Variants in CREB3L2 observed in about 807,000 individuals in gnomAD.
The protein encoded by CREB3L2 is cyclic AMP-responsive element-binding protein 3-like protein 2.
Under a neutral mutation model 57.2 loss-of-function variants are expected in CREB3L2, and 23 were observed. That is an observed-to-expected ratio of 0.40 (90% confidence interval 0.29 to 0.57). The LOEUF (loss-of-function observed/expected upper bound fraction) is 0.57. CREB3L2 is among the 20% of genes least tolerant of loss of function. The probability of loss-of-function intolerance (pLI) is 0.42; values close to 1 mark genes in which losing one functional copy is unlikely to be tolerated. For missense variants in CREB3L2, 628 were observed against 634.7 expected, an observed-to-expected ratio of 0.99 and a Z score of 0.11; for synonymous variants, 268 against 265.1, an observed-to-expected ratio of 1.01 and a Z score of -0.11.
chr7:137,944,232 T>C (rs966955279), intron 1 of CREB3L2, among the ~76,000 whole-genome samples: 1 of 152,090 alleles, frequency 6.6e-6, no homozygotes, highest in Admixed American at 6.5e-5. Context: ...GAAAGAAAAA[T>C]AGCAATTCAC....
At chr7:137,914,256 T>C (rs1800078258) in intron 3 of CREB3L2, among the ~76,000 whole-genome samples, 1 of 152,096 alleles carries the variant, frequency 6.6e-6, no homozygotes, top group Non-Finnish European at 1.5e-5. Context: ...ACGAAAATCC[T>C]GGTAGGGAAA....
At chr7:137,934,005 G>C (rs1439854334) in intron 1 of CREB3L2, 1 of 152,242 alleles carries the variant, frequency 6.6e-6, no homozygotes, top group Non-Finnish European at 1.5e-5. Flanking sequence ...ACGCTTTAGC[G>C]AAGTACTGCT....
chr7:137,928,078 C>T (rs981807092), intron 2 of CREB3L2, 72 bp downstream of exon 2: 3 of 1,159,294 alleles, frequency 2.6e-6, no homozygotes, highest in Non-Finnish European at 1.3e-6. Context: ...TAATATAATA[C>T]ACACTCCACA....
At chr7:137,918,110 T>C (rs1351629774) in intron 2 of CREB3L2, among the ~76,000 whole-genome samples, 2 of 152,116 alleles carry the variant, frequency 1.3e-5, no homozygotes, top group African/African-American at 4.8e-5. Context: ...GAACACCCGC[T>C]TAGGACAGTT....
chr7:137,945,691 TAAG>T (rs898461250), intron 1 of CREB3L2, among the ~76,000 whole-genome samples: 4 of 152,188 alleles, frequency 2.6e-5, no homozygotes, highest in African/African-American at 9.7e-5. Flanking sequence ...CAATCTGGAC[TAAG>T]AAGAACTGGG....
intron 1 of CREB3L2, among the ~76,000 whole-genome samples, chr7:137,991,523 T>C (rs558823091): frequency 1.2e-4 from 19 of 152,164 alleles, no homozygotes; most frequent in Admixed American, 4.6e-4. Flanking sequence ...TGTAATACCA[T>C]TGGGATTTTG....
rs1035576371 is a variant in CREB3L2 at position 137,879,210 on chromosome 7, T to C, written c.*1266A>G. 1 of 534,020 alleles carries C rather than the reference T, an allele frequency of 1.9e-6. No homozygotes were observed. Among genetic ancestry groups the C allele is most frequent in the African/African-American group, 1.9e-5 (1 of 53,590 alleles). 33.1% of individuals were successfully genotyped at this position (534,020 alleles called of 1,614,324 possible). ...AACTAAAAGTAGGTTGGGGATTAGG[T>C]TGTATCTCTTTGGGCGAGCTGCAAA... On this transcript the variant is annotated 3_prime_UTR_variant, in exon 12 of 12. Coordinates refer to ENST00000330387, the MANE Select transcript of CREB3L2 (RefSeq NM_194071.4).
intron 8 of CREB3L2, among the ~76,000 whole-genome samples, chr7:137,898,788 T>C (rs1799677898): frequency 6.6e-6 from 1 of 152,110 alleles, no homozygotes; most frequent in South Asian, 2.1e-4. Flanking sequence ...ACTCGGCCTT[T>C]ACTAAATAAC....
intron 8 of CREB3L2, among the ~76,000 whole-genome samples, chr7:137,898,347 G>A (rs1799669875): frequency 6.6e-6 from 1 of 152,212 alleles, no homozygotes; most frequent in African/African-American, 2.4e-5. Context: ...GAAAAACAGT[G>A]TAGAGGTTCC....
chr7:137,936,333 G>A (rs550276824), intron 1 of CREB3L2, among the ~76,000 whole-genome samples: 1 of 152,304 alleles, frequency 6.6e-6, no homozygotes, highest in East Asian at 1.9e-4. Context: ...GCTAACAGAA[G>A]AGTGCTGCAC....
At chr7:137,922,437 C>CAT (rs750075783) in intron 2 of CREB3L2, among the ~76,000 whole-genome samples, 6 of 98,928 alleles carry the variant, frequency 6.1e-5, no homozygotes, top group Admixed American at 1.9e-4. Flanking sequence ...TATATATATA[C>CAT]GTATATATAT....
intron 1 of CREB3L2, among the ~76,000 whole-genome samples, chr7:137,992,474 T>C (rs1801916759): frequency 6.6e-6 from 1 of 152,192 alleles, no homozygotes; most frequent in Admixed American, 6.5e-5. Flanking sequence ...TCCCAGCTCT[T>C]CTTTGAAACA....
At chr7:137,927,278 G>GAAAGGAGGGAGGAAGGA (rs35701640) in intron 2 of CREB3L2, among the ~76,000 whole-genome samples, 1 of 136,530 alleles carries the variant, frequency 7.3e-6, no homozygotes, top group African/African-American at 3.1e-5. Flanking sequence ...GAAAGGAAAG[G>GAAAGGAGGGAGGAAGGA]AGGAAGGAAG....
intron 1 of CREB3L2, among the ~76,000 whole-genome samples, chr7:137,936,932 T>G (rs1016176244): frequency 5.3e-5 from 8 of 152,156 alleles, no homozygotes; most frequent in African/African-American, 1.7e-4. Flanking sequence ...CCGGGTTTGT[T>G]TAGATTTGCC....
rs140287420 is a variant in CREB3L2, at chr7:137,882,562, G to A, written c.1337C>T (p.Ser446Leu). 5.0e-5 allele frequency: 81 copies of A among 1,613,412 alleles called. No homozygotes were observed. Among genetic ancestry groups the A allele is most frequent in the Middle Eastern group, 4.9e-4 (3 of 6,076 alleles). Residue 446 changes from serine to leucine, a missense_variant, in exon 11 of 12, where the codon TCG (serine) becomes TTG (leucine). By Grantham distance (145) the Ser-to-Leu change is moderately radical. This residue lies in a region of CREB3L2 where 272 missense variants were observed against 242.7 expected (regional missense o/e 1.12). Coordinates refer to ENST00000330387, the MANE Select transcript of CREB3L2 (RefSeq NM_194071.4). ...ATCCCAGCCCCCCAGCTCCCCAGCC[G>A]AGCCCGGGCTGGATGACTCCTCTGG... ...SPPEESSSPG[S>L]AGELGGWDRG... is the part of the protein sequence containing the mutation.
chr7:137,875,127 A>G lies in CREB3L2; in HGVS notation c.*5349T>C, dbSNP rs1799118537. The G allele has an allele frequency of 4.9e-6, 1 of 203,192 alleles. No homozygotes were observed. The highest frequency in any genetic ancestry group is 1.0e-5 in the Non-Finnish European group (1 of 98,922). The allele number at this position is 203,192 out of a possible 1,614,324, so 12.6% of individuals were successfully genotyped here. ...ATTTACTTAGCTATGATAAAGAATA[A>G]AAAGTCATTTAAAAAACGCGATAGG... On this transcript the variant is annotated 3_prime_UTR_variant, in exon 12 of 12. Transcript: ENST00000330387.
At chr7:137,986,312 C>T (rs1027986546) in intron 1 of CREB3L2, among the ~76,000 whole-genome samples, 12 of 152,270 alleles carry the variant, frequency 7.9e-5, no homozygotes, top group African/African-American at 2.6e-4. Context: ...TTTTGTTAGA[C>T]GAGAAAACAG....
At chr7:137,904,086 G>A (rs888194142) in intron 6 of CREB3L2, 69 bp from the exon 7 acceptor site, 1 of 1,309,548 alleles carries the variant, frequency 7.6e-7, no homozygotes, top group Non-Finnish European at 1.1e-6. Context: ...AAGATGGGAG[G>A]TGGTTAGCGT....
intron 1 of CREB3L2, among the ~76,000 whole-genome samples, chr7:137,998,120 CTTCA>C (rs1802021338): frequency 6.6e-6 from 1 of 152,196 alleles, no homozygotes; most frequent in Non-Finnish European, 1.5e-5. Flanking sequence ...TATCCATATG[CTTCA>C]TTATTTTGTA....
Sources: gnomAD v4.1 joint callset for allele counts (sites outside exome capture counted in the v4.1 genomes callset) on GRCh38, gnomAD v4.1.1 for gene constraint, gnomAD v4.1.1 regional missense constraint, MANE v1.5 for transcripts, NCBI Gene and HGNC (gene_info 2026-07-23, HGNC 2026-07-21) for gene names.